The following TNFRSF21 variants were observed in gnomAD, a reference collection of about 807,000 sequenced individuals.
TNFRSF21 encodes tumor necrosis factor receptor superfamily member 21.
In TNFRSF21, 19 loss-of-function variants were observed where a neutral mutation model predicts 45.6. That is an observed-to-expected ratio of 0.42 (90% confidence interval 0.29 to 0.61). The LOEUF (loss-of-function observed/expected upper bound fraction) is 0.61, where lower values mean the gene tolerates loss of function less well. Among genes scored for constraint, TNFRSF21 ranks in the 20% least tolerant of loss-of-function variants. TNFRSF21 has a pLI of 0.23. For missense variants in TNFRSF21, 737 were observed against 851.5 expected, an observed-to-expected ratio of 0.87 and a Z score of 1.67; for synonymous variants, 314 against 335.5, an observed-to-expected ratio of 0.94 and a Z score of 0.70.
intron 3 of TNFRSF21, among the ~76,000 whole-genome samples, chr6:47,253,955 T>C (rs559073628): frequency 6.6e-6 from 1 of 152,332 alleles, no homozygotes; most frequent in Non-Finnish European, 1.5e-5. Context: ...TTCTTTTTCC[T>C]TCTTCACAAT....
At chr6:47,301,021 A>C (rs1328309102) in intron 1 of TNFRSF21, among the ~76,000 whole-genome samples, 2 of 152,212 alleles carry the variant, frequency 1.3e-5, no homozygotes. Context: ...AAACAAAGGG[A>C]ATTGAATTGA....
chr6:47,249,056 C>T (rs536048303), intron 4 of TNFRSF21, among the ~76,000 whole-genome samples: 1 of 152,246 alleles, frequency 6.6e-6, no homozygotes, highest in African/African-American at 2.4e-5. Context: ...GGGATTTAAC[C>T]CGGCACACGT....
At chr6:47,274,465 T>A (rs1762468039) in intron 3 of TNFRSF21, among the ~76,000 whole-genome samples, 1 of 152,186 alleles carries the variant, frequency 6.6e-6, no homozygotes, top group African/African-American at 2.4e-5. Context: ...GATCCCTTCC[T>A]TACACCTTAT....
chr6:47,308,710 A>G (rs2113873397), intron 1 of TNFRSF21, among the ~76,000 whole-genome samples: 1 of 152,248 alleles, frequency 6.6e-6, no homozygotes, highest in Middle Eastern at 3.4e-3. Context: ...CCCTCCCCCC[A>G]TTCCAGTGCC....
At chr6:47,238,554 A>C (rs1482422994) in intron 4 of TNFRSF21, among the ~76,000 whole-genome samples, 1 of 152,246 alleles carries the variant, frequency 6.6e-6, no homozygotes, top group Non-Finnish European at 1.5e-5. Flanking sequence ...CATTTCTTTC[A>C]GCCAAACAAG....
At position 47,232,855 on chromosome 6, in the gene TNFRSF21, G is replaced by C. The variant is rs774042998; in HGVS notation, c.1878C>G (p.Asp626Glu). The C allele has an allele frequency of 6.2e-7, 1 of 1,614,138 alleles. No individual in the cohort carries two copies. The highest frequency in any genetic ancestry group is 8.5e-7 in the Non-Finnish European group (1 of 1,180,030). Residue 626 changes from aspartate to glutamate, a missense_variant, in exon 6 of 6, where the codon GAC (aspartate) becomes GAG (glutamate). Coordinates refer to ENST00000296861, the MANE Select transcript of TNFRSF21 (RefSeq NM_014452.5). Reference sequence around the variant, plus strand: ...TGACTCCAATAATTTCGAATAGCCGGTCTAGTTTGTCCTCAGCCTGGGGAA... The same window carrying C: ...TGACTCCAATAATTTCGAATAGCCGCTCTAGTTTGTCCTCAGCCTGGGGAA... ...EEIPQAEDKL[D>E]RLFEIIGVKS... is the part of the protein sequence containing the mutation.
chr6:47,309,760 C>A lies in TNFRSF21; in HGVS notation c.-249G>T, dbSNP rs1762991870. 2.4e-6 allele frequency: 1 copy of A among 421,486 alleles called. No homozygotes were observed. Among genetic ancestry groups the A allele is most frequent in the Non-Finnish European group, 4.1e-6 (1 of 243,778 alleles). 26.1% of individuals were successfully genotyped at this position (421,486 alleles called of 1,614,324 possible). ...AAGCCGCCGCGACTGCAGCCCGCGT[C>A]TCCGGGTGCTCTCCTCCGACAGCGG... On this transcript the variant is annotated 5_prime_UTR_variant, in exon 1 of 6. Coordinates refer to ENST00000296861, the MANE Select transcript of TNFRSF21 (RefSeq NM_014452.5).
chr6:47,263,986 A>T (rs1445786955), intron 3 of TNFRSF21, among the ~76,000 whole-genome samples: 2 of 152,238 alleles, frequency 1.3e-5, no homozygotes, highest in South Asian at 4.1e-4. Flanking sequence ...CTATACATAC[A>T]TTGCCATGTT....
intron 3 of TNFRSF21, among the ~76,000 whole-genome samples, chr6:47,276,126 T>A (rs1193551373): frequency 6.6e-6 from 1 of 152,178 alleles, no homozygotes; most frequent in Non-Finnish European, 1.5e-5. Context: ...TGAATGGATT[T>A]GAACCTGAGC....
At position 47,303,012 on chromosome 6, in the gene TNFRSF21, T is replaced by C. The variant is rs577825506; in HGVS notation, c.96+6404A>G. Reference sequence around the variant, plus strand: ...TAAGTACTCAATAAATAAGAGGCAGTGATAGCAATATCAATGATTAATATT... The same window carrying C: ...TAAGTACTCAATAAATAAGAGGCAGCGATAGCAATATCAATGATTAATATT... On this transcript the variant is annotated intron_variant, in intron 1 of 5. Coordinates refer to ENST00000296861, the MANE Select transcript of TNFRSF21 (RefSeq NM_014452.5). Among the ~76,000 whole-genome samples, 194 of 152,346 alleles carry C rather than the reference T, an allele frequency of 1.3e-3. 1 individual carries two copies. Among genetic ancestry groups the C allele is most frequent in the African/African-American group, 4.4e-3 (185 of 41,576 alleles).
chr6:47,309,057 T>C (rs912242619), intron 1 of TNFRSF21, among the ~76,000 whole-genome samples: 2 of 152,018 alleles, frequency 1.3e-5, no homozygotes, highest in African/African-American at 4.8e-5. Flanking sequence ...CAGTGGCCGA[T>C]GGGTGGGGGG....
At chr6:47,288,978 C>T (rs192889916) in intron 1 of TNFRSF21, among the ~76,000 whole-genome samples, 1 of 152,322 alleles carries the variant, frequency 6.6e-6, no homozygotes, top group Non-Finnish European at 1.5e-5. Context: ...AGGGAATCAA[C>T]AGGCACTTAG....
intron 3 of TNFRSF21, among the ~76,000 whole-genome samples, chr6:47,277,703 T>A (rs574420663): frequency 2.0e-5 from 3 of 152,324 alleles, no homozygotes; most frequent in Non-Finnish European, 4.4e-5. Context: ...ATGCATTTTT[T>A]AAAATTTTCT....
intron 3 of TNFRSF21, among the ~76,000 whole-genome samples, chr6:47,256,303 C>A (rs573538989): frequency 6.6e-6 from 1 of 152,178 alleles, no homozygotes; most frequent in African/African-American, 2.4e-5. Flanking sequence ...GCAGGTGGAT[C>A]GCTTGAGTCC....
chr6:47,294,998 A>C (rs1206635431), intron 1 of TNFRSF21, among the ~76,000 whole-genome samples: 1 of 152,258 alleles, frequency 6.6e-6, no homozygotes, highest in Admixed American at 6.5e-5. Flanking sequence ...ACAATGGATA[A>C]ATGTGGCAAA....
intron 4 of TNFRSF21, among the ~76,000 whole-genome samples, chr6:47,244,342 A>AAT (rs1764795284): frequency 6.6e-6 from 1 of 151,680 alleles, no homozygotes; most frequent in African/African-American, 2.4e-5. Context: ...AAAAAAAAAA[A>AAT]AGGCTTCAGT....
At chr6:47,295,654 A>C (rs1561952364) in intron 1 of TNFRSF21, among the ~76,000 whole-genome samples, 1 of 152,342 alleles carries the variant, frequency 6.6e-6, no homozygotes, top group Middle Eastern at 3.4e-3. Flanking sequence ...ATATCAAGAC[A>C]CTGGCTGTTT....
At chr6:47,289,081 C>T (rs1179940497) in intron 1 of TNFRSF21, among the ~76,000 whole-genome samples, 1 of 152,152 alleles carries the variant, frequency 6.6e-6, no homozygotes, top group Non-Finnish European at 1.5e-5. Flanking sequence ...AGTTTTTCTG[C>T]ATTAATGAAT....
chr6:47,280,948 G>T (rs1220786948), intron 3 of TNFRSF21, among the ~76,000 whole-genome samples: 1 of 152,258 alleles, frequency 6.6e-6, no homozygotes, highest in Admixed American at 6.5e-5. Flanking sequence ...TATCTATCAG[G>T]ATGTTCACAT....
Sources: allele counts gnomAD v4.1 joint callset (sites outside exome capture counted in the v4.1 genomes callset), GRCh38; gene constraint gnomAD v4.1.1; transcripts MANE v1.5; gene names NCBI Gene and HGNC (gene_info 2026-07-23, HGNC 2026-07-21).